NUP188: variants seen among roughly 807,000 people sequenced by gnomAD.
The protein encoded by NUP188 is nucleoporin NUP188.
In NUP188, 97 loss-of-function variants were observed where a neutral mutation model predicts 223.0. That is an observed-to-expected ratio of 0.43 (90% CI 0.37 to 0.51). The LOEUF (loss-of-function observed/expected upper bound fraction) is 0.51. Ranked by LOEUF, NUP188 falls within the 20% of genes least tolerant of loss-of-function variation. The pLI, the probability that NUP188 is intolerant of heterozygous loss-of-function variation, is 0.00. For synonymous variants in NUP188, 869 were observed against 828.0 expected (o/e 1.05, Z -0.85); for missense variants, 1,947 against 2,175.6 (o/e 0.89, Z 2.09).
intron 34 of NUP188, among the ~76,000 whole-genome samples, chr9:129,000,856 G>A (rs1842641943): frequency 6.6e-6 from 1 of 151,498 alleles, no homozygotes; most frequent in Non-Finnish European, 1.5e-5. Context: ...GGCTAACACG[G>A]TGAAACCCTG....
At chr9:128,958,966 A>T in intron 7 of NUP188, 49 bp from the exon 8 acceptor site, 1 of 1,423,404 alleles carries the variant, frequency 7.0e-7, no homozygotes, top group Non-Finnish European at 9.6e-7. Context: ...ATTTATTTGA[A>T]TATTTACCTT....
At chr9:129,004,796 C>T in intron 38 of NUP188, 1 of 271,860 alleles carries the variant, frequency 3.7e-6, no homozygotes, top group Non-Finnish European at 7.0e-6. Context: ...AGCCACCGCA[C>T]CCGGCCTCAT....
At chr9:128,966,445 C>T (rs1305050951) in intron 8 of NUP188, among the ~76,000 whole-genome samples, 11 of 151,738 alleles carry the variant, frequency 7.2e-5, no homozygotes, top group African/African-American at 2.4e-4. Context: ...GGCACAATCA[C>T]GGCTCACTGC....
intron 34 of NUP188, among the ~76,000 whole-genome samples, chr9:129,000,843 C>G (rs947093792): frequency 6.6e-6 from 1 of 151,368 alleles, no homozygotes; most frequent in Non-Finnish European, 1.5e-5. Flanking sequence ...TGGAGACCAT[C>G]CTGGCTAACA....
intron 8 of NUP188, among the ~76,000 whole-genome samples, chr9:128,959,460 T>C (rs569328631): frequency 3.2e-4 from 49 of 152,082 alleles, no homozygotes; most frequent in Admixed American, 9.2e-4. Context: ...TTAGGAGAAT[T>C]GTATACCCTT....
intron 34 of NUP188, among the ~76,000 whole-genome samples, chr9:129,001,002 A>C (rs1026696021): frequency 2.0e-5 from 3 of 152,056 alleles, no homozygotes; most frequent in Non-Finnish European, 4.4e-5. Context: ...GCGCCGCTGC[A>C]CTCCAGCCTG....
Position 128,968,596 on chromosome 9 carries a change from G to C in NUP188, c.676G>C (p.Glu226Gln). Residue 226 changes from glutamate to glutamine, a missense_variant, in exon 9 of 44, where the codon GAG becomes CAG. By Grantham distance (29) the Glu-to-Gln change is conservative. Coordinates refer to ENST00000372577, the MANE Select transcript of NUP188 (RefSeq NM_015354.3). ...TATTTTCCTTTATTATGCATACTTT[G>C]AGATGGCACCCAGTGACTTACTTGT... ...EIIFLYYAYF[E>Q]MAPSDLLVLT... 1 of 1,614,104 alleles carries C rather than the reference G, an allele frequency of 6.2e-7. No individual in the cohort carries two copies. Among genetic ancestry groups the C allele is most frequent in the Non-Finnish European group, 8.5e-7 (1 of 1,179,962 alleles).
chr9:128,975,263 G>A (rs951067476), intron 12 of NUP188, among the ~76,000 whole-genome samples: 1 of 84,640 alleles, frequency 1.2e-5, no homozygotes, highest in Non-Finnish European at 2.2e-5. Context: ...TCTTGCCCTT[G>A]TCCAGGCTGG....
chr9:128,990,250 A>C, intron 25 of NUP188, 24 bp downstream of exon 25: 1 of 1,558,468 alleles, frequency 6.4e-7, no homozygotes, highest in Non-Finnish European at 8.9e-7. Flanking sequence ...TCATGCACAC[A>C]CACTGTTTAT....
chr9:129,003,115 A>G, intron 37 of NUP188, 140 bp downstream of exon 37: 1 of 1,121,602 alleles, frequency 8.9e-7, no homozygotes, highest in Non-Finnish European at 1.3e-6. Context: ...TGCTCTAAGT[A>G]CTCTGCTGGC....
At chr9:128,972,318 T>A (rs1307919983) in intron 11 of NUP188, among the ~76,000 whole-genome samples, 1 of 152,170 alleles carries the variant, frequency 6.6e-6, no homozygotes, top group Non-Finnish European at 1.5e-5. Context: ...AAATGCATAT[T>A]AGTAAATGAA....
intron 12 of NUP188, among the ~76,000 whole-genome samples, chr9:128,977,806 G>C (rs1842200926): frequency 6.6e-6 from 1 of 152,102 alleles, no homozygotes; most frequent in Non-Finnish European, 1.5e-5. Context: ...CTAAAAAAAA[G>C]AAAGACATTG....
At chr9:128,983,655 T>C in intron 19 of NUP188, 105 bp downstream of exon 19, 3 of 861,048 alleles carry the variant, frequency 3.5e-6, no homozygotes, top group South Asian at 3.3e-5. Context: ...TTTGTTTGTT[T>C]ATTTTTTTGA....
At chr9:128,956,169 G>C (rs1356721976) in intron 3 of NUP188, among the ~76,000 whole-genome samples, 181 bp from the exon 4 acceptor site, 1 of 147,580 alleles carries the variant, frequency 6.8e-6, no homozygotes, top group Non-Finnish European at 1.5e-5. Context: ...TATGAAGTTT[G>C]TAGAGGTGAA....
At chr9:128,958,136 C>A in intron 6 of NUP188, 82 bp downstream of exon 6, 1 of 1,071,566 alleles carries the variant, frequency 9.3e-7, no homozygotes, top group Non-Finnish European at 1.4e-6. Context: ...GCATTGCTGG[C>A]TTTTGACTCT....
intron 19 of NUP188, among the ~76,000 whole-genome samples, chr9:128,983,987 A>AT (rs895936787): frequency 8.6e-5 from 13 of 151,518 alleles, no homozygotes; most frequent in African/African-American, 2.7e-4. Flanking sequence ...CGCCCGGCTA[A>AT]TTTTTTGTAT....
At chr9:128,950,822 G>A (rs575792195) in intron 2 of NUP188, among the ~76,000 whole-genome samples, 2 of 152,166 alleles carry the variant, frequency 1.3e-5, no homozygotes, top group African/African-American at 4.8e-5. Context: ...CGAGACCCCA[G>A]CTCAAAAAAG....
intron 41 of NUP188, 59 bp from the exon 42 acceptor site, chr9:129,005,991 C>T (rs187165041): frequency 3.2e-6 from 5 of 1,576,272 alleles, no homozygotes; most frequent in Non-Finnish European, 2.6e-6. Context: ...AAGTAGGAAG[C>T]TCTCAGTAAG....
chr9:129,005,298 CT>C lies in NUP188; in HGVS notation c.4510-3del. On this transcript the variant is annotated splice_polypyrimidine_tract_variant and splice_region_variant and intron_variant, in intron 39 of 43. Coordinates refer to ENST00000372577, the MANE Select transcript of NUP188 (RefSeq NM_015354.3). ...GCTCCACCTTCATTTCTTGACTCTC[CT>C]TAGAACAAAAATGGGGATGGCCTCC... 6.2e-7 allele frequency: 1 copy of C among 1,614,006 alleles called. No individual in the cohort carries two copies. The highest frequency in any genetic ancestry group is 8.5e-7 in the Non-Finnish European group (1 of 1,179,866).
Sources: gnomAD v4.1 joint callset for allele counts (sites outside exome capture counted in the v4.1 genomes callset) on GRCh38, gnomAD v4.1.1 for gene constraint, MANE v1.5 for transcripts, NCBI Gene and HGNC (gene_info 2026-07-23, HGNC 2026-07-21) for gene names.